BCAS3: variants seen among roughly 807,000 people sequenced by gnomAD.
The protein encoded by BCAS3 is BCAS4/BCAS3 fusion.
A neutral mutation model predicts 116.1 loss-of-function variants in BCAS3; 53 were observed. The observed-to-expected ratio is 0.46, with a 90% CI of 0.37 to 0.57. BCAS3 has a LOEUF of 0.57. Among genes scored for constraint, BCAS3 ranks in the 20% least tolerant of loss-of-function variants. The probability of loss-of-function intolerance (pLI) is 0.00; values close to 1 mark genes in which losing one functional copy is unlikely to be tolerated. For synonymous variants in BCAS3, 391 were observed against 408.2 expected, an observed-to-expected ratio of 0.96 and a Z score of 0.51; for missense variants, 917 against 1,165.4, an observed-to-expected ratio of 0.79 and a Z score of 3.10.
At chr17:61,116,106 G>C (rs184644804) in intron 22 of BCAS3, among the ~76,000 whole-genome samples, 3 of 136,736 alleles carry the variant, frequency 2.2e-5, no homozygotes, top group Non-Finnish European at 4.7e-5. Context: ...TAGGGGGAGG[G>C]GGGAGGGATA....
intron 6 of BCAS3, among the ~76,000 whole-genome samples, chr17:60,754,719 A>G (rs2042835692): frequency 5.6e-5 from 1 of 17,754 alleles, no homozygotes; most frequent in African/African-American, 6.5e-5. Context: ...ACACACACAC[A>G]CACACACACA....
chr17:60,920,100 T>C (rs2058994705), intron 12 of BCAS3, among the ~76,000 whole-genome samples: 1 of 152,198 alleles, frequency 6.6e-6, no homozygotes. Context: ...GTAAAAAATA[T>C]ATCACATGCT....
rs534106154 is a variant in BCAS3, at chr17:60,962,603, A to G, written c.1221+15251A>G. Among the ~76,000 whole-genome samples the G allele has an allele frequency of 6.6e-6, 1 of 152,066 alleles. No individual in the cohort carries two copies. Among genetic ancestry groups the G allele is most frequent in the African/African-American group, 2.4e-5 (1 of 41,504 alleles). ...ATTGGATTATTTGGGGGTTTTTGCT[A>G]TTGAGTTACTTGAGCTCTTTATATA... On this transcript the variant is annotated intron_variant, in intron 14 of 23. Transcript: ENST00000407086. This position sits in a 1 kb window ranked among gnomAD's most constrained non-coding sequence, Gnocchi z 4.4.
chr17:60,911,116 TTTC>T lies in BCAS3; in HGVS notation c.993+417_993+419del, dbSNP rs1235401031. On this transcript the variant is annotated intron_variant, in intron 12 of 23. Transcript: ENST00000407086. ...TAAGATTAATAAATTTTTTTCTTTT[TTTC>T]TTTCTTTTTTTTTTTTTTTTTGAGA... 1.5e-4 allele frequency among the ~76,000 whole-genome samples: 11 copies of T among 72,876 alleles called. 1 individual carries two copies. The highest frequency in any genetic ancestry group is 7.0e-4 in the African/African-American group (11 of 15,688). The allele number at this position is 72,876 out of a possible 152,430, so 47.8% of individuals were successfully genotyped here. A position where few individuals can be genotyped will look rare whatever the true frequency, so the allele number is the denominator to read the frequency against.
intron 22 of BCAS3, among the ~76,000 whole-genome samples, chr17:61,100,235 T>G (rs1323298039): frequency 1.3e-5 from 2 of 152,224 alleles, no homozygotes; most frequent in Non-Finnish European, 2.9e-5. Flanking sequence ...AGAACCCATT[T>G]ACTCTTCTGT....
At chr17:60,694,810 A>G (rs1276158535) in intron 4 of BCAS3, among the ~76,000 whole-genome samples, 1 of 152,026 alleles carries the variant, frequency 6.6e-6, no homozygotes, top group Non-Finnish European at 1.5e-5. Flanking sequence ...TTGTTAAATA[A>G]TTTACATTGT....
intron 23 of BCAS3, among the ~76,000 whole-genome samples, chr17:61,375,485 G>A (rs576598661): frequency 2.0e-4 from 31 of 152,088 alleles, no homozygotes; most frequent in African/African-American, 7.5e-4. Context: ...TTTCCAATAG[G>A]GATCATATTA....
intron 14 of BCAS3, among the ~76,000 whole-genome samples, chr17:60,963,551 A>G (rs1600046305): frequency 6.9e-6 from 1 of 143,906 alleles, no homozygotes; most frequent in Non-Finnish European, 1.5e-5. Flanking sequence ...TATAAATGCT[A>G]TCGATTTTTT....
chr17:60,776,562 T>C lies in BCAS3; in HGVS notation c.403+29283T>C, dbSNP rs137883345. Reference sequence around the variant, plus strand: ...AGTGAAAACCCATCTCTACTAAAAATACAAAAATTAGCCAGGCATGGTGGC... The same window carrying C: ...AGTGAAAACCCATCTCTACTAAAAACACAAAAATTAGCCAGGCATGGTGGC... On this transcript the variant is annotated intron_variant, in intron 6 of 23. Coordinates refer to ENST00000407086, the MANE Select transcript of BCAS3 (RefSeq NM_017679.5). Among the ~76,000 whole-genome samples, 815 of 151,518 alleles carry C rather than the reference T, an allele frequency of 5.4e-3. 41 individuals are homozygous for C. The highest frequency in any genetic ancestry group is 0.05 in the Admixed American group (765 of 15,202).
rs184982011 is a variant in BCAS3 at position 61,166,088 on chromosome 17, A to G, written c.2425+81524A>G. Among the ~76,000 whole-genome samples the G allele has an allele frequency of 1.2e-3, 187 of 152,356 alleles. 2 individuals are homozygous for G. Among genetic ancestry groups the G allele is most frequent in the African/African-American group, 3.8e-3 (157 of 41,588 alleles). On this transcript the variant is annotated intron_variant, in intron 22 of 23. Coordinates refer to ENST00000407086, the MANE Select transcript of BCAS3 (RefSeq NM_017679.5). Reference sequence around the variant, plus strand: ...TGATGAATGAAGGAAACTGAATCTCATAAGTTTTTCCCTTTTTCCCCATAA... The same window carrying G: ...TGATGAATGAAGGAAACTGAATCTCGTAAGTTTTTCCCTTTTTCCCCATAA...
Position 61,365,107 on chromosome 17 carries a change from A to G in BCAS3, c.2426-3220A>G, listed in dbSNP as rs2058656673. 6.6e-6 allele frequency among the ~76,000 whole-genome samples: 1 copy of G among 152,226 alleles called. No homozygotes were observed. Among genetic ancestry groups the G allele is most frequent in the African/African-American group, 2.4e-5 (1 of 41,466 alleles). On this transcript the variant is annotated intron_variant, in intron 22 of 23. Coordinates refer to ENST00000407086, the MANE Select transcript of BCAS3 (RefSeq NM_017679.5). The surrounding 1 kb of genome is among the most constrained non-coding windows in gnomAD (Gnocchi z 4.6). The stretch of plus-strand genomic sequence containing the variant: ...TATTGTTTTTCCATTTTTATGGATG[A>G]GGAATCAGAGACGCATGCCTGGAAT...
At position 61,026,806 on chromosome 17, in the gene BCAS3, G is replaced by C. The variant is rs2066278360; in HGVS notation, c.1638-7860G>C. On this transcript the variant is annotated intron_variant, in intron 16 of 23. Coordinates refer to ENST00000407086, the MANE Select transcript of BCAS3 (RefSeq NM_017679.5). The surrounding 1 kb of genome is among the most constrained non-coding windows in gnomAD (Gnocchi z 5.0). The stretch of plus-strand genomic sequence containing the variant: ...ATAACAGTATGATATACTTGTATTT[G>C]CTAATGTTAAATGAGTTTTTCTCTA... 1 of 1,444,172 alleles carries C rather than the reference G, an allele frequency of 6.9e-7. No individual in the cohort carries two copies. Among genetic ancestry groups the C allele is most frequent in the Non-Finnish European group, 9.5e-7 (1 of 1,047,242 alleles). 89.5% of individuals were successfully genotyped at this position (1,444,172 alleles called of 1,614,324 possible). A position where few individuals can be genotyped will look rare whatever the true frequency, so the allele number is the denominator to read the frequency against.
chr17:60,877,536 A>G (rs947947437), intron 9 of BCAS3, among the ~76,000 whole-genome samples: 2 of 152,278 alleles, frequency 1.3e-5, no homozygotes, highest in African/African-American at 2.4e-5. Context: ...CATCTTTGCC[A>G]TGTATTCCTG....
chr17:60,999,561 AAAAG>A (rs2064093079), intron 15 of BCAS3, among the ~76,000 whole-genome samples: 2 of 150,142 alleles, frequency 1.3e-5, no homozygotes, highest in African/African-American at 2.5e-5. Flanking sequence ...AAAAAAAAAA[AAAAG>A]AAAAAGAAAA....
rs2042068271 is a variant in BCAS3 at position 60,747,084 on chromosome 17, G to A, written c.322-114G>A. 15 of 661,084 alleles carry A rather than the reference G, an allele frequency of 2.3e-5. 1 individual carries two copies. In the South Asian group the frequency reaches 2.7e-4, roughly 12 times the overall value. 41.0% of individuals were successfully genotyped at this position (661,084 alleles called of 1,614,324 possible). On this transcript the variant is annotated intron_variant, in intron 5 of 23. Transcript: ENST00000407086. ...CAATGATAAATGGGTGTGGGTGTAT[G>A]TATATATATTTCAGACAAAATATTG...
rs758468 is a variant in BCAS3, at chr17:61,315,624, A to G, written c.2426-52703A>G. Among the ~76,000 whole-genome samples the G allele has an allele frequency of 0.31, 47,125 of 151,980 alleles. 10,816 individuals carry two copies. Among genetic ancestry groups the G allele is most frequent in the African/African-American group, 0.65 (26,945 of 41,462 alleles). ...TGCTGGGGTGCCTCTTCCTGTCCCCAAGGACTCTACAGCCTCAGCCTCACC... is the reference window on the plus strand; with the variant it reads ...TGCTGGGGTGCCTCTTCCTGTCCCCGAGGACTCTACAGCCTCAGCCTCACC... On this transcript the variant is annotated intron_variant, in intron 22 of 23. Coordinates refer to ENST00000407086, the MANE Select transcript of BCAS3 (RefSeq NM_017679.5). This position sits in a 1 kb window ranked among gnomAD's most constrained non-coding sequence, Gnocchi z 5.3.
At chr17:60,752,155 G>GGTGTGTGTGTGT (rs55713453) in intron 6 of BCAS3, among the ~76,000 whole-genome samples, 5 of 144,678 alleles carry the variant, frequency 3.5e-5, no homozygotes, top group African/African-American at 1.3e-4. Context: ...TTGGCTGAAG[G>GGTGTGTGTGTGT]GTGTGTGTGT....
intron 12 of BCAS3, among the ~76,000 whole-genome samples, chr17:60,919,404 C>A (rs879447448): frequency 6.6e-6 from 1 of 152,168 alleles, no homozygotes; most frequent in Non-Finnish European, 1.5e-5. Context: ...CAGTTCACTG[C>A]AACCTCTGCC....
chr17:61,128,745 C>T lies in BCAS3; in HGVS notation c.2425+44181C>T, dbSNP rs539352352. Reference sequence around the variant, plus strand: ...ATGATTTTGCATTTACATCATCGTGCTAGCTGGTAGAATTTTTTCCCCCAG... The same window carrying T: ...ATGATTTTGCATTTACATCATCGTGTTAGCTGGTAGAATTTTTTCCCCCAG... On this transcript the variant is annotated intron_variant, in intron 22 of 23. Coordinates refer to ENST00000407086, the MANE Select transcript of BCAS3 (RefSeq NM_017679.5). The surrounding 1 kb of genome is among the most constrained non-coding windows in gnomAD (Gnocchi z 4.1). 6.6e-6 allele frequency: 3 copies of T among 452,852 alleles called. No individual in the cohort carries two copies. In the South Asian group the frequency reaches 2.8e-4, roughly 42 times the overall value. 28.1% of individuals were successfully genotyped at this position (452,852 alleles called of 1,614,324 possible). A position where few individuals can be genotyped will look rare whatever the true frequency, so the allele number is the denominator to read the frequency against.
Sources: gnomAD v4.1 joint callset for allele counts (sites outside exome capture counted in the v4.1 genomes callset) on GRCh38, gnomAD v4.1.1 for gene constraint, Gnocchi (gnomAD v3.1) non-coding constraint, MANE v1.5 for transcripts, NCBI Gene and HGNC (gene_info 2026-07-23, HGNC 2026-07-21) for gene names.